Variants in ZBTB24 observed in about 807,000 individuals in gnomAD.
ZBTB24 encodes the protein zinc finger and BTB domain-containing protein 24.
ZBTB24 carries 32 observed loss-of-function variants against 53.8 expected under a neutral mutation model. That is an observed-to-expected ratio of 0.60 (90% CI 0.45 to 0.80). The LOEUF (loss-of-function observed/expected upper bound fraction) is 0.80. Ranked by LOEUF, ZBTB24 falls within the 30% of genes least tolerant of loss-of-function variation. ZBTB24 has a pLI of 0.00. For missense variants in ZBTB24, 722 were observed against 837.1 expected (o/e 0.86, Z 1.70); for synonymous variants, 297 against 306.7 (o/e 0.97, Z 0.33).
Position 109,481,742 on chromosome 6 carries a change from G to A in ZBTB24, c.285C>T (p.Tyr95=), listed in dbSNP as rs757768185. 6.2e-7 allele frequency: 1 copy of A among 1,614,196 alleles called. No homozygotes were observed. The highest frequency in any genetic ancestry group is 1.1e-5 in the South Asian group (1 of 91,088). ...TCTCACTGGCATGGAGATAACCTGT[G>A]TAGATAAATTCCAGCAGGATACCAA... ...DTFGILLEFI[Y]TGYLHASEKS... is the part of the protein sequence containing the mutation. Residue 95 remains tyrosine, a synonymous_variant, in exon 2 of 7, where the codon TAC becomes TAT. Transcript: ENST00000230122.
chr6:109,465,184 C>CCTATGCTTTTGG lies in ZBTB24; in HGVS notation c.*655_*666dup, dbSNP rs1157565656. 1 of 152,918 alleles carries CCTATGCTTTTGG rather than the reference C, an allele frequency of 6.5e-6. No homozygotes were observed. The highest frequency in any genetic ancestry group is 1.9e-4 in the East Asian group (1 of 5,206). The allele number at this position is 152,918 out of a possible 1,614,324, so 9.5% of individuals were successfully genotyped here. On this transcript the variant is annotated 3_prime_UTR_variant, in exon 7 of 7. Transcript: ENST00000230122. Reference sequence around the variant, plus strand: ...AGACGAATTCAGAATTTTAAGAAATCCTATGCTTTTGGCTATCTTGTTACA... The same window carrying CCTATGCTTTTGG: ...AGACGAATTCAGAATTTTAAGAAATCCTATGCTTTTGGCTATGCTTTTGGCTATCTTGTTACA...
In ZBTB24 at chr6:109,465,949, C is replaced by G; in HGVS notation, c.1996G>C (p.Asp666His). The G allele has an allele frequency of 6.2e-7, 1 of 1,614,212 alleles. No homozygotes were observed. The stretch of plus-strand genomic sequence containing the variant: ...GTCAGCTGCAGGTGCTGAGCTGGAT[C>G]TGAAGTACTTGTAGCTAAATGGAGC... Reference protein sequence around the residue: ...EELHLATSTSDPAQHLQLTQE... With the variant: ...EELHLATSTSHPAQHLQLTQE... The change falls in exon 7 of 7, where the codon GAT (aspartate) becomes CAT (histidine). Residue 666 changes from aspartate (D) to histidine (H), a missense_variant. Asp to His is a moderately conservative substitution (Grantham distance 81). Transcript: ENST00000230122.
At chr6:109,476,067 A>C in intron 4 of ZBTB24, 108 bp downstream of exon 4, 2 of 1,241,146 alleles carry the variant, frequency 1.6e-6, no homozygotes, top group Non-Finnish European at 2.3e-6. Context: ...TAAATACCCT[A>C]TGTGAACGAT....
In ZBTB24 at chr6:109,481,502, T is replaced by C. The variant is rs1198863682; in HGVS notation, c.525A>G (p.Lys175=). The change falls in exon 2 of 7, where the codon AAA becomes AAG. Residue 175 remains lysine, a synonymous_variant. Transcript: ENST00000230122. ...PKKVNTLQEE[K]SELAAEEEIQ... ...TTTCTTCCTCTGCAGCCAGTTCTGA[T>C]TTCTCCTCCTGCAATGTATTGACTT... The C allele has an allele frequency of 6.2e-7, 1 of 1,614,128 alleles. No individual in the cohort carries two copies. The highest frequency in any genetic ancestry group is 1.7e-5 in the Admixed American group (1 of 60,006).
intron 5 of ZBTB24, among the ~76,000 whole-genome samples, chr6:109,469,718 G>C (rs1023273905): frequency 2.6e-5 from 4 of 152,210 alleles, no homozygotes; most frequent in African/African-American, 9.7e-5. Flanking sequence ...AAGTAACATA[G>C]GGCTGTGTTT....
intron 5 of ZBTB24, among the ~76,000 whole-genome samples, chr6:109,472,634 G>C (rs1261161120): frequency 6.6e-6 from 1 of 152,138 alleles, no homozygotes; most frequent in Non-Finnish European, 1.5e-5. Context: ...CTATTTGCAG[G>C]CACATGTGCA....
chr6:109,476,354 A>T, intron 3 of ZBTB24, 96 bp from the exon 4 acceptor site: 1 of 1,238,420 alleles, frequency 8.1e-7, no homozygotes, highest in Non-Finnish European at 1.2e-6. Context: ...CCAGGTCCCC[A>T]TTTTCTACAA....
At chr6:109,480,729 A>G (rs1776386823) in intron 2 of ZBTB24, among the ~76,000 whole-genome samples, 2 of 152,350 alleles carry the variant, frequency 1.3e-5, no homozygotes, top group African/African-American at 2.4e-5. Flanking sequence ...ACTACAAATG[A>G]GAGGGGTTCT....
At chr6:109,473,931 A>C (rs75724067) in intron 5 of ZBTB24, among the ~76,000 whole-genome samples, 57 of 152,028 alleles carry the variant, frequency 3.7e-4, no homozygotes, top group Middle Eastern at 3.4e-3. Context: ...CAAAAAAAAA[A>C]CACAAAAATT....
chr6:109,477,041 A>G (rs1295495845), intron 2 of ZBTB24, 111 bp from the exon 3 acceptor site: 1 of 1,439,904 alleles, frequency 6.9e-7, no homozygotes, highest in Non-Finnish European at 9.4e-7. Flanking sequence ...CACATCCAAA[A>G]GGCCAACAAT....
At chr6:109,467,819 A>C in intron 5 of ZBTB24, 85 bp from the exon 6 acceptor site, 1 of 1,464,762 alleles carries the variant, frequency 6.8e-7, no homozygotes, top group Non-Finnish European at 9.2e-7. Context: ...AAATTAAAAA[A>C]ACACTTCGGT....
rs769494892 is a variant in ZBTB24, at chr6:109,466,000, G to T, written c.1945C>A (p.His649Asn). ...TCCTCTGTTTGCTCTTGATGGGCAT[G>T]AAGATGTTCCAGTGTTTCCTTGGAC... ...TLSKETLEHL[H>N]AHQEQTEELH... Residue 649 changes from histidine to asparagine, a missense_variant, in exon 7 of 7, where the codon CAT becomes AAT. Physicochemically the swap from His to Asn is moderately conservative, Grantham distance 68 (BLOSUM62 1). Transcript: ENST00000230122. 8 of 1,614,238 alleles carry T rather than the reference G, an allele frequency of 5.0e-6. No individual in the cohort carries two copies. Among genetic ancestry groups the T allele is most frequent in the Admixed American group, 3.3e-5 (2 of 60,026 alleles).
chr6:109,463,906 TTAGTG>T lies in ZBTB24; in HGVS notation c.*1940_*1944del, dbSNP rs1444775559. 2 of 152,242 alleles carry T rather than the reference TTAGTG, an allele frequency of 1.3e-5. No homozygotes were observed. Among genetic ancestry groups the T allele is most frequent in the Non-Finnish European group, 2.9e-5 (2 of 68,038 alleles). 9.4% of individuals were successfully genotyped at this position (152,242 alleles called of 1,614,324 possible). On this transcript the variant is annotated 3_prime_UTR_variant, in exon 7 of 7. Coordinates refer to ENST00000230122, the MANE Select transcript of ZBTB24 (RefSeq NM_014797.3). ...CTATGTTGTTCATGTTATAGTTCTC[TTAGTG>T]TAGAGGTAGACTGTTATAGAGCCAG...
At chr6:109,480,689 A>G (rs370921733) in intron 2 of ZBTB24, among the ~76,000 whole-genome samples, 8 of 152,366 alleles carry the variant, frequency 5.3e-5, no homozygotes, top group African/African-American at 9.6e-5. Flanking sequence ...CTAGATCTTG[A>G]TAAGTGGACA....
chr6:109,469,692 G>A (rs1776126061), intron 5 of ZBTB24, among the ~76,000 whole-genome samples: 1 of 152,322 alleles, frequency 6.6e-6, no homozygotes, highest in East Asian at 1.9e-4. Context: ...TACTTGAGGA[G>A]ATGCACAAAC....
At chr6:109,478,970 GA>G (rs1210815445) in intron 2 of ZBTB24, among the ~76,000 whole-genome samples, 4 of 151,878 alleles carry the variant, frequency 2.6e-5, no homozygotes, top group Non-Finnish European at 4.4e-5. Flanking sequence ...CCTAAAGGGG[GA>G]AAAAAATAAG....
intron 5 of ZBTB24, among the ~76,000 whole-genome samples, chr6:109,472,300 A>G (rs552642975): frequency 3.2e-4 from 49 of 152,156 alleles, no homozygotes; most frequent in African/African-American, 1.0e-3. Context: ...ATTTCTTTTC[A>G]TATTTCTAAG....
intron 5 of ZBTB24, among the ~76,000 whole-genome samples, chr6:109,474,603 G>A (rs955687279): frequency 1.3e-5 from 2 of 152,022 alleles, no homozygotes; most frequent in Admixed American, 6.6e-5. Flanking sequence ...GCATGGTAGC[G>A]CACACCTATA....
intron 5 of ZBTB24, among the ~76,000 whole-genome samples, chr6:109,472,192 C>T (rs2115358029): frequency 6.6e-6 from 1 of 152,164 alleles, no homozygotes; most frequent in South Asian, 2.1e-4. Context: ...CACGCCAATG[C>T]CCTTCACCAA....
Sources: gnomAD v4.1 joint callset for allele counts (sites outside exome capture counted in the v4.1 genomes callset) on GRCh38, gnomAD v4.1.1 for gene constraint, MANE v1.5 for transcripts, NCBI Gene and HGNC (gene_info 2026-07-23, HGNC 2026-07-21) for gene names.